C10orf90: variants seen among roughly 807,000 people sequenced by gnomAD.
C10orf90 encodes (E2-independent) E3 ubiquitin-conjugating enzyme FATS.
Under a neutral mutation model 62.5 loss-of-function variants are expected in C10orf90, and 56 were observed. The ratio of observed to expected loss-of-function variants is 0.90; its 90% CI spans 0.72 to 1.12. The LOEUF (loss-of-function observed/expected upper bound fraction) is 1.12, where lower values mean the gene tolerates loss of function less well. Among genes scored for constraint, C10orf90 ranks in the 50% most tolerant of loss-of-function variants. The probability of loss-of-function intolerance (pLI) is 0.00; values close to 1 mark genes in which losing one functional copy is unlikely to be tolerated. For missense variants in C10orf90, 970 were observed against 880.4 expected (o/e 1.10, Z -1.29); for synonymous variants, 386 against 340.4 (o/e 1.13, Z -1.47).
chr10:126,427,914 C>T (rs1389164231), intron 8 of C10orf90, among the ~76,000 whole-genome samples: 1 of 151,986 alleles, frequency 6.6e-6, no homozygotes, highest in Non-Finnish European at 1.5e-5. Flanking sequence ...TAGTTCTGTC[C>T]CTCTGGGGAA....
intron 2 of C10orf90, among the ~76,000 whole-genome samples, chr10:126,542,475 C>T (rs1472540741): frequency 6.6e-6 from 1 of 151,858 alleles, no homozygotes; most frequent in Non-Finnish European, 1.5e-5. Context: ...TGCACTCCAG[C>T]CTGGGCGACA....
At chr10:126,433,389 G>A (rs1857706427) in intron 7 of C10orf90, among the ~76,000 whole-genome samples, 2 of 152,200 alleles carry the variant, frequency 1.3e-5, no homozygotes, top group East Asian at 3.9e-4. Flanking sequence ...AGGGCATCTG[G>A]GAAAACTCCA....
At chr10:126,583,087 C>T (rs1286979144) in intron 2 of C10orf90, among the ~76,000 whole-genome samples, 2 of 152,130 alleles carry the variant, frequency 1.3e-5, no homozygotes, top group African/African-American at 4.8e-5. Context: ...AAACCTCACT[C>T]CATAGTTATG....
At chr10:126,571,799 C>G (rs549216986) in intron 2 of C10orf90, among the ~76,000 whole-genome samples, 1 of 152,038 alleles carries the variant, frequency 6.6e-6, no homozygotes, top group Non-Finnish European at 1.5e-5. Flanking sequence ...GGACTCCAGG[C>G]GTAAATAAAC....
intron 7 of C10orf90, among the ~76,000 whole-genome samples, chr10:126,432,869 A>T (rs556847106): frequency 2.0e-4 from 31 of 152,292 alleles, no homozygotes; most frequent in African/African-American, 6.0e-4. Flanking sequence ...GCCTTTGCAA[A>T]CCTATTTAAG....
chr10:126,462,721 T>G (rs942323433), intron 5 of C10orf90, among the ~76,000 whole-genome samples: 6 of 152,080 alleles, frequency 3.9e-5, no homozygotes, highest in African/African-American at 9.7e-5. Context: ...GTCCGTGGGA[T>G]GCATCTCCAT....
chr10:126,555,717 T>TAAATAAATAAATAAAA (rs1265155678), intron 2 of C10orf90, among the ~76,000 whole-genome samples: 1 of 148,632 alleles, frequency 6.7e-6, no homozygotes, highest in Non-Finnish European at 1.5e-5. Flanking sequence ...AATAAATAAA[T>TAAATAAATAAATAAAA]AAAAATTAAA....
chr10:126,528,764 C>A lies in C10orf90; in HGVS notation c.314-14825G>T, dbSNP rs146338364. On this transcript the variant is annotated intron_variant, in intron 2 of 9. Coordinates refer to ENST00000488181, the MANE Select transcript of C10orf90 (RefSeq NM_001350921.2). The stretch of plus-strand genomic sequence containing the variant: ...TCCTTCTTAGAGGACATTCCCACAG[C>A]CTGCAATGCTGCTTCTCAGCTCACT... Among the ~76,000 whole-genome samples, 433 of 152,302 alleles carry A rather than the reference C, an allele frequency of 2.8e-3. 10 individuals are homozygous for A. Among genetic ancestry groups the A allele is most frequent in the Admixed American group, 0.026 (394 of 15,296 alleles).
intron 4 of C10orf90, chr10:126,469,716 G>A: frequency 8.1e-6 from 3 of 368,382 alleles, no homozygotes; most frequent in Non-Finnish European, 1.6e-5. Flanking sequence ...TCTCGGGTCT[G>A]CATTTTATAT....
At chr10:126,624,786 C>T (rs1845710615) in intron 2 of C10orf90, among the ~76,000 whole-genome samples, 1 of 152,058 alleles carries the variant, frequency 6.6e-6, no homozygotes, top group Admixed American at 6.6e-5. Flanking sequence ...AGAAAATCTG[C>T]CTAAGGACTC....
At chr10:126,579,582 G>T (rs1844703119) in intron 2 of C10orf90, among the ~76,000 whole-genome samples, 1 of 152,042 alleles carries the variant, frequency 6.6e-6, no homozygotes, top group Non-Finnish European at 1.5e-5. Flanking sequence ...AACAAATTTT[G>T]CTGAACTCTG....
rs1421684621 is a variant in C10orf90 at position 126,565,126 on chromosome 10, A to G, written c.314-51187T>C. Reference sequence around the variant, plus strand: ...ATATAAAATATATATTATATAATATATAATATAAATATAATATTAAATATG... The same window carrying G: ...ATATAAAATATATATTATATAATATGTAATATAAATATAATATTAAATATG... On this transcript the variant is annotated intron_variant, in intron 2 of 9. Transcript: ENST00000488181. Among the ~76,000 whole-genome samples, 20 of 28,340 alleles carry G rather than the reference A, an allele frequency of 7.1e-4. 1 individual carries two copies. The highest frequency in any genetic ancestry group is 3.1e-3 in the East Asian group (2 of 652). The allele number at this position is 28,340 out of a possible 152,430, so 18.6% of individuals were successfully genotyped here.
intron 2 of C10orf90, among the ~76,000 whole-genome samples, chr10:126,645,258 T>TTA (rs1554931511): frequency 3.0e-5 from 2 of 66,316 alleles, no homozygotes; most frequent in African/African-American, 9.6e-5. Flanking sequence ...ACTTAAAGTA[T>TTA]AAAAAAAAAA....
chr10:126,470,074 C>T, intron 4 of C10orf90: 1 of 454,170 alleles, frequency 2.2e-6, no homozygotes, highest in Non-Finnish European at 4.4e-6. Context: ...TGTTCTTCTG[C>T]ATGTTGCATA....
At position 126,504,329 on chromosome 10, in the gene C10orf90, A is replaced by T; in HGVS notation, c.1162T>A (p.Ser388Thr). ...TGGGAACTACAATTGAGGTTGAGCG[A>T]CAGGACGGATCTGTGCATTTTGGGG... ...ASPKMHRSVL[S>T]LNLNCSSHRL... Residue 388 changes from serine (S) to threonine (T), a missense_variant, in exon 4 of 10, where the codon TCG (serine) becomes ACG (threonine). Coordinates refer to ENST00000488181, the MANE Select transcript of C10orf90 (RefSeq NM_001350921.2). The surrounding 1 kb of genome is among the most constrained non-coding windows in gnomAD (Gnocchi z 4.1). The T allele has an allele frequency of 6.2e-7, 1 of 1,614,192 alleles. No individual in the cohort carries two copies. Among genetic ancestry groups the T allele is most frequent in the South Asian group, 1.1e-5 (1 of 91,084 alleles).
At chr10:126,621,612 T>C (rs1845645284) in intron 2 of C10orf90, among the ~76,000 whole-genome samples, 1 of 152,252 alleles carries the variant, frequency 6.6e-6, no homozygotes, top group Non-Finnish European at 1.5e-5. Context: ...ATGTTGATTG[T>C]TTATTATGAT....
chr10:126,444,282 C>T (rs1440496749), intron 7 of C10orf90, among the ~76,000 whole-genome samples: 1 of 151,908 alleles, frequency 6.6e-6, no homozygotes, highest in Non-Finnish European at 1.5e-5. Context: ...CCTAAAGATC[C>T]CTCCATAAAG....
At chr10:126,439,059 G>A (rs1291811112) in intron 7 of C10orf90, among the ~76,000 whole-genome samples, 1 of 152,144 alleles carries the variant, frequency 6.6e-6, no homozygotes, top group East Asian at 1.9e-4. Context: ...GCCAGACCCA[G>A]TTCAAGAGAA....
At chr10:126,475,073 T>C (rs1860786054) in intron 4 of C10orf90, among the ~76,000 whole-genome samples, 1 of 152,206 alleles carries the variant, frequency 6.6e-6, no homozygotes, top group Admixed American at 6.5e-5. Flanking sequence ...GCAGTGAATG[T>C]CACCTGTGCT....
Sources: allele counts gnomAD v4.1 joint callset (sites outside exome capture counted in the v4.1 genomes callset), GRCh38; gene constraint gnomAD v4.1.1; non-coding constraint Gnocchi (gnomAD v3.1); transcripts MANE v1.5; gene names NCBI Gene and HGNC (gene_info 2026-07-23, HGNC 2026-07-21).